Variants in GRID2 observed in about 807,000 individuals in gnomAD.
The protein encoded by GRID2 is glutamate receptor ionotropic, delta-2.
A neutral mutation model predicts 114.8 loss-of-function variants in GRID2; 33 were observed. That is an observed-to-expected ratio of 0.29 (90% CI 0.22 to 0.38). GRID2 has a LOEUF of 0.38. Ranked by LOEUF, GRID2 falls within the 10% of genes least tolerant of loss-of-function variation. The pLI, the probability that GRID2 is intolerant of heterozygous loss-of-function variation, is 1.00. For synonymous variants in GRID2, 505 were observed against 449.9 expected (o/e 1.12, Z -1.55); for missense variants, 1,184 against 1,257.7 (o/e 0.94, Z 0.89).
chr4:93,045,173 G>T (rs958564427), intron 2 of GRID2, among the ~76,000 whole-genome samples: 1 of 152,066 alleles, frequency 6.6e-6, no homozygotes, highest in African/African-American at 2.4e-5. Context: ...TCTGTTTCAT[G>T]TATATAGATA....
At chr4:93,802,161 T>C (rs543909852) in intron 1 of GRID2, among the ~76,000 whole-genome samples, 2 of 152,248 alleles carry the variant, frequency 1.3e-5, no homozygotes, top group South Asian at 4.1e-4. Flanking sequence ...AACCAAGTTC[T>C]ACAAAAGAAA....
At chr4:92,870,925 A>G (rs1030068563) in intron 2 of GRID2, among the ~76,000 whole-genome samples, 2 of 152,242 alleles carry the variant, frequency 1.3e-5, no homozygotes, top group Non-Finnish European at 2.9e-5. Context: ...ACATCAGCAC[A>G]TAATGATCCC....
At chr4:92,916,981 A>G (rs1408347291) in intron 2 of GRID2, among the ~76,000 whole-genome samples, 3 of 152,166 alleles carry the variant, frequency 2.0e-5, no homozygotes, top group Non-Finnish European at 4.4e-5. Context: ...TCCCACCAAC[A>G]GTGTAAAAGT....
At chr4:93,680,799 G>A (rs1377905712) in intron 14 of GRID2, among the ~76,000 whole-genome samples, 1 of 152,090 alleles carries the variant, frequency 6.6e-6, no homozygotes, top group South Asian at 2.1e-4. Flanking sequence ...AGAGCTATCT[G>A]TGACAAACCC....
At chr4:93,618,878 T>C (rs1402580340) in intron 13 of GRID2, among the ~76,000 whole-genome samples, 1 of 152,158 alleles carries the variant, frequency 6.6e-6, no homozygotes, top group Non-Finnish European at 1.5e-5. Context: ...CAAGAAAAAG[T>C]TGGCAGCGGA....
At chr4:93,428,741 T>C (rs1192764232) in intron 10 of GRID2, among the ~76,000 whole-genome samples, 3 of 152,176 alleles carry the variant, frequency 2.0e-5, no homozygotes, top group African/African-American at 7.2e-5. Flanking sequence ...ATTTAGATTC[T>C]AACAGATATA....
intron 8 of GRID2, among the ~76,000 whole-genome samples, chr4:93,328,019 T>C (rs1349319870): frequency 3.3e-5 from 5 of 151,904 alleles, no homozygotes; most frequent in Admixed American, 2.6e-4. Flanking sequence ...TGTCCTCCTT[T>C]AAAACGTGTC....
At position 92,643,583 on chromosome 4, in the gene GRID2, A is replaced by C. The variant is rs1242231776; in HGVS notation, c.244+53297A>C. On this transcript the variant is annotated intron_variant, in intron 2 of 15. Transcript: ENST00000282020. ...AAATCAAGAACGCAATCTCATTTAC[A>C]ATAGCTACAAAAAAATGAAATATCT... 5.3e-5 allele frequency among the ~76,000 whole-genome samples: 8 copies of C among 151,784 alleles called. No homozygotes were observed. In the Admixed American group the frequency reaches 5.3e-4, roughly 10 times the overall value.
chr4:92,666,650 G>GTTTTTTTTTTGT (rs1732794306), intron 2 of GRID2, among the ~76,000 whole-genome samples: 1 of 68,594 alleles, frequency 1.5e-5, no homozygotes, highest in Non-Finnish European at 2.8e-5. Flanking sequence ...CTTAAGGGTT[G>GTTTTTTTTTTGT]TTTTTTTTTT....
intron 1 of GRID2, among the ~76,000 whole-genome samples, chr4:93,784,071 CAA>C (rs70942993): frequency 2.8e-3 from 109 of 38,960 alleles, no homozygotes; most frequent in Middle Eastern, 0.059. Context: ...GACTCCGTCT[CAA>C]AAAAAAAAAA....
At chr4:92,541,483 C>CAATAAT (rs10643398) in intron 1 of GRID2, among the ~76,000 whole-genome samples, 2,210 of 150,780 alleles carry the variant, frequency 0.015, 25 homozygotes, top group Non-Finnish European at 0.021. Context: ...CTCAATTTTC[C>CAATAAT]AATAATAATA....
intron 2 of GRID2, among the ~76,000 whole-genome samples, chr4:93,019,476 G>C (rs1358957981): frequency 6.6e-6 from 1 of 152,070 alleles, no homozygotes; most frequent in African/African-American, 2.4e-5. Context: ...TATGACCTTG[G>C]CATTAAGACC....
intron 13 of GRID2, among the ~76,000 whole-genome samples, chr4:93,517,198 A>T (rs995748297): frequency 2.0e-5 from 3 of 151,818 alleles, no homozygotes; most frequent in African/African-American, 7.3e-5. Context: ...TTCTCATAAG[A>T]TGGCCCTGAA....
At chr4:92,984,202 C>CT (rs1560769420) in intron 2 of GRID2, among the ~76,000 whole-genome samples, 1 of 152,124 alleles carries the variant, frequency 6.6e-6, no homozygotes, top group Non-Finnish European at 1.5e-5. Flanking sequence ...GTACTTGTCT[C>CT]TTTTTTCTAA....
At chr4:93,391,328 T>A (rs1764834067) in intron 8 of GRID2, among the ~76,000 whole-genome samples, 1 of 152,206 alleles carries the variant, frequency 6.6e-6, no homozygotes, top group Admixed American at 6.6e-5. Flanking sequence ...CCTTACAGAA[T>A]ATCTACCAAA....
intron 8 of GRID2, among the ~76,000 whole-genome samples, chr4:93,292,733 G>A (rs1579568536): frequency 6.6e-6 from 1 of 152,138 alleles, no homozygotes; most frequent in African/African-American, 2.4e-5. Context: ...ATTTAAAACT[G>A]CCACATTGTT....
chr4:92,441,944 G>T (rs1733113471), intron 1 of GRID2, among the ~76,000 whole-genome samples: 1 of 151,842 alleles, frequency 6.6e-6, no homozygotes, highest in African/African-American at 2.4e-5. Context: ...AGCCTAATAA[G>T]GGAACTGGGC....
At chr4:92,380,440 A>G (rs1345145830) in intron 1 of GRID2, among the ~76,000 whole-genome samples, 1 of 151,964 alleles carries the variant, frequency 6.6e-6, no homozygotes, top group Non-Finnish European at 1.5e-5. Context: ...GTGAAGATTA[A>G]ATGATATCAG....
chr4:93,297,485 A>G (rs924018302), intron 8 of GRID2, among the ~76,000 whole-genome samples: 1 of 152,212 alleles, frequency 6.6e-6, no homozygotes, highest in Non-Finnish European at 1.5e-5. Flanking sequence ...CATATGGTCA[A>G]AGATCTTGTC....
Sources: gnomAD v4.1 joint callset for allele counts (sites outside exome capture counted in the v4.1 genomes callset) on GRCh38, gnomAD v4.1.1 for gene constraint, MANE v1.5 for transcripts, NCBI Gene and HGNC (gene_info 2026-07-23, HGNC 2026-07-21) for gene names.